TSHZ2: variants seen among roughly 807,000 people sequenced by gnomAD.
TSHZ2 encodes the protein teashirt zinc finger homeobox 2.
Under a neutral mutation model 74.4 loss-of-function variants are expected in TSHZ2, and 21 were observed. The ratio of observed to expected loss-of-function variants is 0.28; its 90% CI spans 0.20 to 0.41. The LOEUF is 0.41. TSHZ2 is among the 10% of genes least tolerant of loss of function. The pLI is 1.00. For synonymous variants in TSHZ2, 540 were observed against 515.3 expected, an observed-to-expected ratio of 1.05 and a Z score of -0.65; for missense variants, 1,244 against 1,293.5, an observed-to-expected ratio of 0.96 and a Z score of 0.59.
rs140868920 is a variant in TSHZ2 at position 53,065,346 on chromosome 20, T to A, written c.40+92013T>A. Among the ~76,000 whole-genome samples, 3 of 152,298 alleles carry A rather than the reference T, an allele frequency of 2.0e-5. No homozygotes were observed. In the East Asian group the frequency reaches 5.8e-4, roughly 29 times the overall value. On this transcript the variant is annotated intron_variant, in intron 1 of 2. Coordinates refer to ENST00000371497, the MANE Select transcript of TSHZ2 (RefSeq NM_173485.6). Reference sequence around the variant, plus strand: ...ACCAGATCTTTCTGTGCTTTAGTCATTCATCTGTCAAAAGGGAGCATGATA... The same window carrying A: ...ACCAGATCTTTCTGTGCTTTAGTCAATCATCTGTCAAAAGGGAGCATGATA...
chr20:53,221,812 G>C (rs752781883), intron 1 of TSHZ2, among the ~76,000 whole-genome samples: 1 of 152,152 alleles, frequency 6.6e-6, no homozygotes, highest in Non-Finnish European at 1.5e-5. Flanking sequence ...CCAGCAGTTT[G>C]CATTATGATG....
chr20:52,985,324 G>A (rs1371616006), intron 1 of TSHZ2, among the ~76,000 whole-genome samples: 1 of 152,144 alleles, frequency 6.6e-6, no homozygotes, highest in Non-Finnish European at 1.5e-5. Context: ...TTTTTATGAG[G>A]ATTAATTGAG....
intron 1 of TSHZ2, among the ~76,000 whole-genome samples, chr20:53,226,851 TC>T (rs958106872): frequency 2.0e-5 from 3 of 151,800 alleles, no homozygotes; most frequent in Non-Finnish European, 4.4e-5. Flanking sequence ...GGAGGCAAAA[TC>T]CCCCCGTTGA....
chr20:53,383,254 C>T (rs1017769417), intron 2 of TSHZ2, among the ~76,000 whole-genome samples: 1 of 145,078 alleles, frequency 6.9e-6, no homozygotes, highest in Non-Finnish European at 1.5e-5. Flanking sequence ...CAAAGAGAAA[C>T]TCTGTCTCAA....
intron 2 of TSHZ2, among the ~76,000 whole-genome samples, chr20:53,354,530 C>T (rs1980772633): frequency 6.6e-6 from 1 of 152,180 alleles, no homozygotes; most frequent in Non-Finnish European, 1.5e-5. Context: ...GGGCTCAAAA[C>T]ATTATAGTGG....
At chr20:53,204,936 A>T (rs1324064049) in intron 1 of TSHZ2, among the ~76,000 whole-genome samples, 4 of 151,820 alleles carry the variant, frequency 2.6e-5, no homozygotes, top group Admixed American at 6.6e-5. Context: ...AAAAAAAGAA[A>T]AAAAAAATTA....
rs776713202 is a variant in TSHZ2, at chr20:53,254,550, TGGA to T, written c.1094_1096del (p.Gly365del). ...CCAACAACCGCTATGGCTACCAAAA[TGGA>T]GCCAGCTACACCTGGCAGTTTGAGG... On this transcript the variant is annotated inframe_deletion, in exon 2 of 3. Coordinates refer to ENST00000371497, the MANE Select transcript of TSHZ2 (RefSeq NM_173485.6). 12 of 1,613,390 alleles carry T rather than the reference TGGA, an allele frequency of 7.4e-6. No homozygotes were observed. The highest frequency in any genetic ancestry group is 1.7e-6 in the Non-Finnish European group (2 of 1,179,548).
chr20:53,273,224 T>G (rs1323325748), intron 2 of TSHZ2, among the ~76,000 whole-genome samples: 2 of 152,272 alleles, frequency 1.3e-5, no homozygotes, highest in South Asian at 4.1e-4. Flanking sequence ...TAAAAGAACG[T>G]TGGATTTGTT....
At chr20:53,263,565 A>C (rs1056397954) in intron 2 of TSHZ2, among the ~76,000 whole-genome samples, 2 of 151,818 alleles carry the variant, frequency 1.3e-5, no homozygotes, top group African/African-American at 4.8e-5. Context: ...TTTTTAATGG[A>C]TGTGTTTTGG....
At chr20:53,262,856 G>A (rs1600775684) in intron 2 of TSHZ2, among the ~76,000 whole-genome samples, 1 of 152,214 alleles carries the variant, frequency 6.6e-6, no homozygotes, top group Non-Finnish European at 1.5e-5. Context: ...TGTTATGTGA[G>A]GCTCACCTGG....
intron 2 of TSHZ2, among the ~76,000 whole-genome samples, chr20:53,272,445 T>C (rs1990859411): frequency 1.3e-5 from 2 of 151,906 alleles, no homozygotes; most frequent in Admixed American, 6.6e-5. Flanking sequence ...TCTACAAATA[T>C]TGGATAAAAG....
intron 1 of TSHZ2, among the ~76,000 whole-genome samples, chr20:53,002,617 TA>T (rs1445391965): frequency 1.3e-5 from 2 of 151,106 alleles, no homozygotes; most frequent in African/African-American, 2.4e-5. Flanking sequence ...AATAAATTTA[TA>T]AAAAAGAAAA....
At chr20:53,450,481 A>G (rs1024711383) in intron 2 of TSHZ2, among the ~76,000 whole-genome samples, 35 of 152,196 alleles carry the variant, frequency 2.3e-4, no homozygotes, top group African/African-American at 8.4e-4. Flanking sequence ...TGATTTCATA[A>G]GGCATTATCA....
chr20:53,038,299 A>G (rs1212040186), intron 1 of TSHZ2, among the ~76,000 whole-genome samples: 1 of 149,830 alleles, frequency 6.7e-6, no homozygotes, highest in Non-Finnish European at 1.5e-5. Flanking sequence ...ATTTCTAGTC[A>G]TCTCCATCAA....
rs142414010 is a variant in TSHZ2, at chr20:53,290,684, G to A, written c.*8+34113G>A. Among the ~76,000 whole-genome samples, 580 of 152,284 alleles carry A rather than the reference G, an allele frequency of 3.8e-3. 2 individuals are homozygous for A. Among genetic ancestry groups the A allele is most frequent in the African/African-American group, 0.013 (546 of 41,564 alleles). ...ATTGGTTTCATTATGGGTATTACGT[G>A]CAAAGACAGGTATAGAGAGGTAAAT... On this transcript the variant is annotated intron_variant, in intron 2 of 2. Coordinates refer to ENST00000371497, the MANE Select transcript of TSHZ2 (RefSeq NM_173485.6).
At chr20:53,044,177 T>A (rs1984143933) in intron 1 of TSHZ2, among the ~76,000 whole-genome samples, 2 of 152,218 alleles carry the variant, frequency 1.3e-5, no homozygotes, top group African/African-American at 4.8e-5. Flanking sequence ...GCAAAGAGCA[T>A]CCCTAATTCA....
In TSHZ2 at chr20:53,493,721, A is replaced by G. The variant is rs1473178925; in HGVS notation, c.*6586A>G. On this transcript the variant is annotated 3_prime_UTR_variant, in exon 3 of 3. Coordinates refer to ENST00000371497, the MANE Select transcript of TSHZ2 (RefSeq NM_173485.6). ...TGTTTCACTTCTTTTTGATGATTAT[A>G]AATTGTCCTTGCAATGAAAAAAAAA... 6.6e-6 allele frequency: 1 copy of G among 151,854 alleles called. No individual in the cohort carries two copies. The highest frequency in any genetic ancestry group is 1.9e-4 in the East Asian group (1 of 5,160). 9.4% of individuals were successfully genotyped at this position (151,854 alleles called of 1,614,324 possible).
intron 1 of TSHZ2, among the ~76,000 whole-genome samples, chr20:53,042,412 T>C (rs1193609799): frequency 6.6e-6 from 1 of 152,218 alleles, no homozygotes; most frequent in African/African-American, 2.4e-5. Context: ...ATCACTTCAG[T>C]GTGCTAGGCA....
chr20:53,405,248 C>A (rs1347037470), intron 2 of TSHZ2, among the ~76,000 whole-genome samples: 32 of 143,386 alleles, frequency 2.2e-4, no homozygotes, highest in African/African-American at 5.0e-4. Flanking sequence ...GACTCTGTCT[C>A]AAAAAAAAAA....
Sources: gnomAD v4.1 joint callset for allele counts (sites outside exome capture counted in the v4.1 genomes callset) on GRCh38, gnomAD v4.1.1 for gene constraint, MANE v1.5 for transcripts, NCBI Gene and HGNC (gene_info 2026-07-23, HGNC 2026-07-21) for gene names.